Variants in ALK observed in about 807,000 individuals in gnomAD.
ALK encodes the protein ALK tyrosine kinase receptor.
Under a neutral mutation model 163.1 loss-of-function variants are expected in ALK, and 74 were observed. That is an observed-to-expected ratio of 0.45 (90% confidence interval 0.38 to 0.55). The LOEUF is 0.55. Ranked by LOEUF, ALK falls within the 20% of genes least tolerant of loss-of-function variation. ALK has a pLI of 0.00. For synonymous variants in ALK, 960 were observed against 843.2 expected (o/e 1.14, Z -2.40); for missense variants, 2,063 against 2,105.3 (o/e 0.98, Z 0.39).
At chr2:29,301,627 C>T (rs1666373234) in intron 8 of ALK, among the ~76,000 whole-genome samples, 1 of 152,174 alleles carries the variant, frequency 6.6e-6, no homozygotes, top group South Asian at 2.1e-4. Flanking sequence ...AGCCACTTGG[C>T]TATATTCTAA....
At chr2:29,223,033 G>T (rs1334276213) in intron 20 of ALK, among the ~76,000 whole-genome samples, 1 of 152,154 alleles carries the variant, frequency 6.6e-6, no homozygotes, top group Admixed American at 6.5e-5. Flanking sequence ...GCTCAGAGGA[G>T]GGGCCCTTTG....
intron 8 of ALK, among the ~76,000 whole-genome samples, chr2:29,316,662 A>C (rs1268929897): frequency 6.6e-6 from 1 of 152,162 alleles, no homozygotes; most frequent in Non-Finnish European, 1.5e-5. Flanking sequence ...ATGTTCTCTC[A>C]AAAAGCCTTC....
At chr2:29,306,739 G>T (rs183057870) in intron 8 of ALK, among the ~76,000 whole-genome samples, 1 of 152,250 alleles carries the variant, frequency 6.6e-6, no homozygotes, top group Admixed American at 6.5e-5. Flanking sequence ...GGGAAATAAC[G>T]CTTGCTGATG....
chr2:29,662,515 T>G (rs150520563), intron 3 of ALK, among the ~76,000 whole-genome samples: 53 of 152,292 alleles, frequency 3.5e-4, no homozygotes, highest in African/African-American at 1.2e-3. Flanking sequence ...GTGTGTTCAC[T>G]ATAAGATTTG....
intron 4 of ALK, among the ~76,000 whole-genome samples, chr2:29,442,881 C>T (rs989296535): frequency 6.6e-6 from 1 of 152,156 alleles, no homozygotes; most frequent in African/African-American, 2.4e-5. Flanking sequence ...AATGTCCCTT[C>T]CAGGTCGAAG....
At chr2:29,371,650 G>A (rs1668639837) in intron 5 of ALK, among the ~76,000 whole-genome samples, 1 of 152,196 alleles carries the variant, frequency 6.6e-6, no homozygotes, top group East Asian at 1.9e-4. Flanking sequence ...AATGTTTGGT[G>A]GGTTTGGTTC....
intron 3 of ALK, among the ~76,000 whole-genome samples, chr2:29,619,890 T>C (rs373451935): frequency 3.9e-5 from 6 of 152,170 alleles, no homozygotes; most frequent in African/African-American, 1.4e-4. Context: ...GGGATGTCAT[T>C]ATGGGCTGCA....
intron 4 of ALK, among the ~76,000 whole-genome samples, chr2:29,435,759 T>A (rs979758822): frequency 6.6e-6 from 1 of 152,126 alleles, no homozygotes; most frequent in African/African-American, 2.4e-5. Flanking sequence ...CAGACCTGGG[T>A]AACTCTGACC....
At chr2:29,826,442 T>C (rs573289349) in intron 1 of ALK, among the ~76,000 whole-genome samples, 1 of 150,474 alleles carries the variant, frequency 6.6e-6, no homozygotes, top group African/African-American at 2.5e-5. Context: ...GCATCACCAG[T>C]TGATTTAAAA....
At chr2:29,771,823 T>C (rs552678613) in intron 1 of ALK, among the ~76,000 whole-genome samples, 21 of 151,834 alleles carry the variant, frequency 1.4e-4, no homozygotes, top group South Asian at 4.2e-4. Context: ...CATGAGCCAC[T>C]GCGCCCAGCC....
intron 3 of ALK, among the ~76,000 whole-genome samples, chr2:29,647,849 C>G (rs116189346): frequency 6.9e-6 from 1 of 145,182 alleles, no homozygotes; most frequent in Admixed American, 7.1e-5. Flanking sequence ...AAAACCAACT[C>G]ATATTTATAA....
chr2:29,818,644 G>A (rs998055532), intron 1 of ALK, among the ~76,000 whole-genome samples: 2 of 152,230 alleles, frequency 1.3e-5, no homozygotes, highest in African/African-American at 4.8e-5. Flanking sequence ...AAACTTTTCT[G>A]TCCACCGTGC....
At chr2:29,209,415 G>A (rs1409005387) in intron 25 of ALK, among the ~76,000 whole-genome samples, 1 of 151,996 alleles carries the variant, frequency 6.6e-6, no homozygotes, top group Non-Finnish European at 1.5e-5. Context: ...GGTGGTGCAT[G>A]CCTGTAATCC....
intron 3 of ALK, among the ~76,000 whole-genome samples, chr2:29,599,828 C>T (rs1018561216): frequency 6.6e-6 from 1 of 152,174 alleles, no homozygotes; most frequent in African/African-American, 2.4e-5. Context: ...AAAGGAACAT[C>T]AAATGGGCAA....
intron 1 of ALK, among the ~76,000 whole-genome samples, chr2:29,882,496 C>A (rs1023187106): frequency 3.3e-5 from 5 of 152,116 alleles, no homozygotes; most frequent in African/African-American, 1.2e-4. Context: ...GAGATCAAGA[C>A]CAGCCTGGCC....
At chr2:29,863,337 C>G (rs1200699387) in intron 1 of ALK, among the ~76,000 whole-genome samples, 1 of 152,072 alleles carries the variant, frequency 6.6e-6, no homozygotes, top group Non-Finnish European at 1.5e-5. Context: ...AAGAGACAGC[C>G]TGTGGATTGA....
At chr2:29,254,369 G>A (rs2148200606) in intron 11 of ALK, among the ~76,000 whole-genome samples, 1 of 152,202 alleles carries the variant, frequency 6.6e-6, no homozygotes, top group Admixed American at 6.5e-5. Context: ...TGCTAGGGAA[G>A]ACATCTAAAG....
intron 1 of ALK, among the ~76,000 whole-genome samples, chr2:29,729,565 C>T (rs567216460): frequency 4.1e-4 from 62 of 152,260 alleles, no homozygotes; most frequent in African/African-American, 1.3e-3. Flanking sequence ...ACCATACAGA[C>T]GAGCACCCTG....
chr2:29,455,520 G>A (rs1045934017), intron 4 of ALK, among the ~76,000 whole-genome samples: 7 of 152,006 alleles, frequency 4.6e-5, no homozygotes, highest in African/African-American at 1.2e-4. Context: ...TTTTCCCTCC[G>A]TCTTCTTTTC....
Sources: gnomAD v4.1 joint callset for allele counts (sites outside exome capture counted in the v4.1 genomes callset) on GRCh38, gnomAD v4.1.1 for gene constraint, MANE v1.5 for transcripts, NCBI Gene and HGNC (gene_info 2026-07-23, HGNC 2026-07-21) for gene names.